Variants in PLA1A observed in about 807,000 individuals in gnomAD.
PLA1A encodes the protein phosphatidylserine-specific phospholipase A1alpha.
A neutral mutation model predicts 49.4 loss-of-function variants in PLA1A; 47 were observed. The ratio of observed to expected loss-of-function variants is 0.95; its 90% CI spans 0.75 to 1.21. The LOEUF (loss-of-function observed/expected upper bound fraction) is 1.21. Ranked by LOEUF, PLA1A falls within the 50% of genes most tolerant of loss-of-function variation. The pLI, the probability that PLA1A is intolerant of heterozygous loss-of-function variation, is 0.00. For synonymous variants in PLA1A, 224 were observed against 207.9 expected, an observed-to-expected ratio of 1.08 and a Z score of -0.67; for missense variants, 561 against 563.9, an observed-to-expected ratio of 0.99 and a Z score of 0.05.
At chr3:119,615,624 T>A (rs1186474808) in intron 5 of PLA1A, among the ~76,000 whole-genome samples, 2 of 151,908 alleles carry the variant, frequency 1.3e-5, no homozygotes, top group Non-Finnish European at 2.9e-5. Context: ...CCAGCCTGGC[T>A]AACATGGTGA....
At chr3:119,622,152 A>G (rs138773251) in intron 8 of PLA1A, among the ~76,000 whole-genome samples, 1,471 of 33,180 alleles carry the variant, frequency 0.044, 17 homozygotes, top group African/African-American at 0.11. Flanking sequence ...AGGAGGAGGA[A>G]GAAGAAGAAG....
intron 2 of PLA1A, 68 bp downstream of exon 2, chr3:119,607,043 G>T: frequency 1.6e-6 from 2 of 1,274,784 alleles, no homozygotes; most frequent in East Asian, 4.6e-5. Flanking sequence ...ACCATAAGAA[G>T]TTAGTGGGCA....
At position 119,623,182 on chromosome 3, in the gene PLA1A, C is replaced by T. The variant is rs146356839; in HGVS notation, c.1013-1942C>T. ...TTTGAGACAGGGTCTCCCACTGTCA[C>T]CCAGGCTGGAGTGTGGTGGCACAGT... On this transcript the variant is annotated intron_variant, in intron 8 of 10. Coordinates refer to ENST00000273371, the MANE Select transcript of PLA1A (RefSeq NM_015900.4). Among the ~76,000 whole-genome samples the T allele has an allele frequency of 7.6e-4, 115 of 152,090 alleles. 2 individuals carry two copies. The East Asian group carries it at 0.018, about 24-fold the overall frequency.
At chr3:119,616,549 A>G (rs1467516853) in intron 6 of PLA1A, among the ~76,000 whole-genome samples, 1 of 152,246 alleles carries the variant, frequency 6.6e-6, no homozygotes, top group African/African-American at 2.4e-5. Context: ...TTCTTAGCAG[A>G]CTAAATTTGT....
chr3:119,622,820 C>G (rs1287203973), intron 8 of PLA1A, among the ~76,000 whole-genome samples: 1 of 151,896 alleles, frequency 6.6e-6, no homozygotes, highest in Non-Finnish European at 1.5e-5. Flanking sequence ...TGTAATCTTT[C>G]TTTTCTTATT....
chr3:119,613,509 G>A (rs2082798293), intron 5 of PLA1A, among the ~76,000 whole-genome samples: 1 of 152,154 alleles, frequency 6.6e-6, no homozygotes, highest in Non-Finnish European at 1.5e-5. Context: ...CAAGGTACTG[G>A]GCCATTCCAC....
At chr3:119,604,836 G>A (rs745551443) in intron 1 of PLA1A, among the ~76,000 whole-genome samples, 4 of 152,102 alleles carry the variant, frequency 2.6e-5, no homozygotes, top group African/African-American at 7.2e-5. Context: ...ACATGGGATG[G>A]GCTTGTCCTA....
chr3:119,621,896 T>C (rs539804035), intron 8 of PLA1A, among the ~76,000 whole-genome samples: 2 of 152,228 alleles, frequency 1.3e-5, no homozygotes, highest in African/African-American at 4.8e-5. Flanking sequence ...ACATTAGGCC[T>C]AGCTCCCTTG....
At chr3:119,618,621 G>C (rs2082886393) in intron 7 of PLA1A, among the ~76,000 whole-genome samples, 1 of 152,202 alleles carries the variant, frequency 6.6e-6, no homozygotes, top group Non-Finnish European at 1.5e-5. Context: ...TGAGAGCTGG[G>C]GGGATGCCTA....
chr3:119,619,545 T>C lies in PLA1A; in HGVS notation c.923-18T>C. 1 of 1,591,734 alleles carries C rather than the reference T, an allele frequency of 6.3e-7. No individual in the cohort carries two copies. The highest frequency in any genetic ancestry group is 8.6e-7 in the Non-Finnish European group (1 of 1,159,594). ...TAGCCTTCTCAGGACTCTGCTGTCT[T>C]TGCTTCTTTATTTCCAGGACTGGTG... On this transcript the variant is annotated intron_variant, in intron 7 of 10. Transcript: ENST00000273371.
At chr3:119,610,363 G>A (rs2629408) in intron 4 of PLA1A, among the ~76,000 whole-genome samples, 38,936 of 152,010 alleles carry the variant, frequency 0.26, 6,540 homozygotes, top group East Asian at 0.47. Context: ...GCTGAGTCAA[G>A]TGGTGATTTT....
chr3:119,623,258 C>T (rs2082970215), intron 8 of PLA1A, among the ~76,000 whole-genome samples: 1 of 152,212 alleles, frequency 6.6e-6, no homozygotes, highest in Admixed American at 6.5e-5. Flanking sequence ...CCTCCCACCT[C>T]AGCCTCCCAA....
intron 1 of PLA1A, among the ~76,000 whole-genome samples, chr3:119,598,384 G>A (rs1427190398): frequency 6.6e-6 from 1 of 152,110 alleles, no homozygotes; most frequent in South Asian, 2.1e-4. Context: ...TTTTGTCACT[G>A]AGATTGTTAG....
chr3:119,622,179 A>G (rs901716125), intron 8 of PLA1A, among the ~76,000 whole-genome samples: 1 of 52,968 alleles, frequency 1.9e-5, no homozygotes, highest in African/African-American at 5.6e-5. Flanking sequence ...AAGAAGAAGA[A>G]GAAGAAGAAG....
At position 119,607,283 on chromosome 3, in the gene PLA1A, C is replaced by G. The variant is rs569614576; in HGVS notation, c.275+308C>G. Among the ~76,000 whole-genome samples the G allele has an allele frequency of 1.6e-4, 25 of 152,334 alleles. No homozygotes were observed. In the South Asian group the frequency reaches 5.2e-3, roughly 32 times the overall value. ...CCCAGGATTGTATTTCCCTTCTTCA[C>G]TTCTTCCTTGGTTTTATGACCTAAG... On this transcript the variant is annotated intron_variant, in intron 2 of 10. Coordinates refer to ENST00000273371, the MANE Select transcript of PLA1A (RefSeq NM_015900.4).
chr3:119,604,151 G>A (rs535187893), intron 1 of PLA1A, among the ~76,000 whole-genome samples: 1 of 152,320 alleles, frequency 6.6e-6, no homozygotes, highest in East Asian at 1.9e-4. Context: ...TCTGTTGGTA[G>A]GAGTGTAAAT....
At chr3:119,619,199 G>C (rs1260834647) in intron 7 of PLA1A, among the ~76,000 whole-genome samples, 1 of 152,186 alleles carries the variant, frequency 6.6e-6, no homozygotes, top group Non-Finnish European at 1.5e-5. Context: ...CTAGTCTTCA[G>C]GTCAAACACT....
chr3:119,612,274 T>C (rs2082774975), intron 4 of PLA1A, among the ~76,000 whole-genome samples: 2 of 152,132 alleles, frequency 1.3e-5, no homozygotes, highest in Non-Finnish European at 2.9e-5. Flanking sequence ...CTGCTTTTTG[T>C]AGGGGGAAGG....
chr3:119,605,722 C>T (rs372734830), intron 1 of PLA1A, among the ~76,000 whole-genome samples: 2 of 152,158 alleles, frequency 1.3e-5, no homozygotes, highest in East Asian at 3.8e-4. Flanking sequence ...AAGTGGGGAT[C>T]GGGGTGTGAT....
Sources: allele counts gnomAD v4.1 joint callset (sites outside exome capture counted in the v4.1 genomes callset), GRCh38; gene constraint gnomAD v4.1.1; transcripts MANE v1.5; gene names NCBI Gene and HGNC (gene_info 2026-07-23, HGNC 2026-07-21).